The following EYS variants were observed in gnomAD, a reference collection of about 807,000 sequenced individuals.
EYS encodes the protein protein eyes shut homolog.
In EYS, 250 loss-of-function variants were observed where a neutral mutation model predicts 282.1. The observed-to-expected ratio is 0.89, with a 90% CI of 0.80 to 0.98. The LOEUF (loss-of-function observed/expected upper bound fraction) is 0.98, where lower values mean the gene tolerates loss of function less well. Ranked by LOEUF, EYS falls within the 50% of genes least tolerant of loss-of-function variation. EYS has a pLI of 0.00. For synonymous variants in EYS, 1,355 were observed against 1,282.9 expected, an observed-to-expected ratio of 1.06 and a Z score of -1.20; for missense variants, 4,016 against 3,709.0, an observed-to-expected ratio of 1.08 and a Z score of -2.15.
intron 22 of EYS, among the ~76,000 whole-genome samples, chr6:64,636,269 C>T (rs1405510644): frequency 6.6e-6 from 1 of 151,952 alleles, no homozygotes; most frequent in African/African-American, 2.4e-5. Flanking sequence ...AGAACAGAGC[C>T]CTCAGAAATA....
intron 1 of EYS, among the ~76,000 whole-genome samples, chr6:65,695,113 C>G (rs540935325): frequency 6.6e-6 from 1 of 151,760 alleles, no homozygotes; most frequent in Non-Finnish European, 1.5e-5. Flanking sequence ...ATATAATATG[C>G]AAGGGCAAAT....
chr6:64,932,183 C>A (rs1455409394), intron 15 of EYS, among the ~76,000 whole-genome samples: 1 of 151,938 alleles, frequency 6.6e-6, no homozygotes, highest in Non-Finnish European at 1.5e-5. Flanking sequence ...ACTTGAAATC[C>A]AATATCATTG....
At chr6:64,719,486 A>G (rs1771502668) in intron 22 of EYS, among the ~76,000 whole-genome samples, 1 of 152,232 alleles carries the variant, frequency 6.6e-6, no homozygotes. Context: ...TTAACAAGTC[A>G]GTCATCAGTT....
chr6:63,777,907 T>C, intron 40 of EYS, 99 bp downstream of exon 40: 2 of 1,128,912 alleles, frequency 1.8e-6, no homozygotes, highest in Non-Finnish European at 2.6e-6. Context: ...TATGTGCATC[T>C]GTTTGTGTTC....
At chr6:64,772,267 T>C (rs539202484) in intron 22 of EYS, among the ~76,000 whole-genome samples, 6 of 151,892 alleles carry the variant, frequency 4.0e-5, no homozygotes, top group Non-Finnish European at 7.4e-5. Context: ...ATCTTCCATA[T>C]TGGTTGTTTT....
At chr6:64,451,443 G>C (rs1300818040) in intron 26 of EYS, among the ~76,000 whole-genome samples, 1 of 152,072 alleles carries the variant, frequency 6.6e-6, no homozygotes, top group Non-Finnish European at 1.5e-5. Flanking sequence ...AGGAGGAGCT[G>C]GTACCATTCC....
chr6:64,090,053 A>C (rs1038480746), intron 31 of EYS, among the ~76,000 whole-genome samples: 10 of 152,080 alleles, frequency 6.6e-5, no homozygotes, highest in African/African-American at 2.4e-4. Flanking sequence ...CTCTGACCCC[A>C]CTTCCTTTCT....
chr6:64,457,306 TTA>T (rs1467145264), intron 26 of EYS, among the ~76,000 whole-genome samples: 2 of 152,040 alleles, frequency 1.3e-5, no homozygotes, highest in Non-Finnish European at 2.9e-5. Flanking sequence ...AGAGAATGTT[TTA>T]TGTTTAGTTG....
At chr6:64,092,281 TG>T (rs1375013351) in intron 31 of EYS, among the ~76,000 whole-genome samples, 4 of 152,192 alleles carry the variant, frequency 2.6e-5, no homozygotes, top group Admixed American at 2.6e-4. Context: ...ATGGGATGGG[TG>T]GGTCAAATGG....
chr6:64,400,051 T>C (rs1359337929), intron 28 of EYS, among the ~76,000 whole-genome samples: 1 of 151,844 alleles, frequency 6.6e-6, no homozygotes, highest in Non-Finnish European at 1.5e-5. Flanking sequence ...AATAAATAAA[T>C]GAACAGAAGA....
chr6:65,511,891 G>C (rs1342086156), intron 2 of EYS, among the ~76,000 whole-genome samples: 1 of 145,420 alleles, frequency 6.9e-6, no homozygotes, highest in Non-Finnish European at 1.5e-5. Context: ...TGAGGCAAGA[G>C]AATCACTTGA....
chr6:64,950,808 T>TATATATAC (rs1473349729), intron 14 of EYS, among the ~76,000 whole-genome samples: 1 of 95,024 alleles, frequency 1.1e-5, no homozygotes, highest in Non-Finnish European at 2.2e-5. Context: ...CATATATATA[T>TATATATAC]ATATATATAT....
chr6:64,029,825 A>T (rs1769732549), intron 33 of EYS, among the ~76,000 whole-genome samples: 1 of 152,220 alleles, frequency 6.6e-6, no homozygotes, highest in Non-Finnish European at 1.5e-5. Context: ...TGGGAAAGGG[A>T]AAAAGAATAA....
chr6:64,507,783 G>A (rs924937010), intron 26 of EYS, among the ~76,000 whole-genome samples: 2 of 152,130 alleles, frequency 1.3e-5, no homozygotes, highest in African/African-American at 2.4e-5. Context: ...AATTCTCTAA[G>A]GAATTCTCTT....
At chr6:64,140,290 T>C (rs915652577) in intron 31 of EYS, among the ~76,000 whole-genome samples, 4 of 152,252 alleles carry the variant, frequency 2.6e-5, no homozygotes, top group Admixed American at 6.5e-5. Context: ...AAGCCCTATA[T>C]GATTATTTCT....
chr6:64,877,975 G>A (rs9351467), intron 19 of EYS, among the ~76,000 whole-genome samples: 23,567 of 152,234 alleles, frequency 0.15, 2,147 homozygotes, highest in East Asian at 0.49. Context: ...GCTCATGCCT[G>A]TAATCCCAGC....
At chr6:64,214,226 G>T (rs970249064) in intron 31 of EYS, among the ~76,000 whole-genome samples, 1 of 152,006 alleles carries the variant, frequency 6.6e-6, no homozygotes, top group African/African-American at 2.4e-5. Context: ...CTGTGTACAG[G>T]TTCTTTCCAG....
chr6:64,832,747 A>G (rs1765262757), intron 19 of EYS, among the ~76,000 whole-genome samples: 3 of 151,934 alleles, frequency 2.0e-5, no homozygotes, highest in South Asian at 4.1e-4. Context: ...CACATATTAA[A>G]TGTATGTAGT....
chr6:63,735,316 T>C (rs868626537), intron 41 of EYS, among the ~76,000 whole-genome samples: 1 of 152,128 alleles, frequency 6.6e-6, no homozygotes, highest in Non-Finnish European at 1.5e-5. Context: ...AATGGAAATA[T>C]AATTTTTTAT....
Sources: allele counts gnomAD v4.1 joint callset (sites outside exome capture counted in the v4.1 genomes callset), GRCh38; gene constraint gnomAD v4.1.1; transcripts MANE v1.5; gene names NCBI Gene and HGNC (gene_info 2026-07-23, HGNC 2026-07-21).